Variants in EIF2D observed in about 807,000 individuals in gnomAD.
EIF2D encodes hepatocellular carcinoma-associated antigen 56.
A neutral mutation model predicts 77.4 loss-of-function variants in EIF2D; 56 were observed. The ratio of observed to expected loss-of-function variants is 0.72; its 90% confidence interval spans 0.58 to 0.90. The LOEUF is 0.90. EIF2D is among the 40% of genes least tolerant of loss of function. The probability of loss-of-function intolerance (pLI) is 0.00; values close to 1 mark genes in which losing one functional copy is unlikely to be tolerated. For synonymous variants in EIF2D, 230 were observed against 271.0 expected (o/e 0.85, Z 1.49); for missense variants, 574 against 706.5 (o/e 0.81, Z 2.13).
chr1:206,575,492 A>G lies in EIF2D; in HGVS notation c.*255-2793T>C, dbSNP rs538063847. Among the ~76,000 whole-genome samples, 7 of 152,284 alleles carry G rather than the reference A, an allele frequency of 4.6e-5. No individual in the cohort carries two copies. In the South Asian group the frequency reaches 1.4e-3, roughly 32 times the overall value. ...TAAGATAGAGTCTTGCTGACAATAGAGAAAAGTGGTGAGCAGTGAAAAAGT... is the reference window on the plus strand; with the variant it reads ...TAAGATAGAGTCTTGCTGACAATAGGGAAAAGTGGTGAGCAGTGAAAAAGT... On this transcript the variant is annotated intron_variant and NMD_transcript_variant, in intron 4 of 5. Coordinates refer to the EIF2D transcript ENST00000472709.
chr1:206,611,258 C>A lies in EIF2D; in HGVS notation c.173G>T (p.Gly58Val). The change falls in exon 2 of 15, where the codon GGG becomes GTG. Residue 58 changes from glycine (G) to valine (V), a missense_variant. Transcript: ENST00000271764. ...LNIVKLYAHK[G>V]DAVTVYVSGG... is the part of the protein sequence containing the mutation. ...ACTCACGTACACAGTCACTGCATCC[C>A]CTTTGTGAGCATACAACTTCACAAT... 1 of 1,614,166 alleles carries A rather than the reference C, an allele frequency of 6.2e-7. No individual in the cohort carries two copies. Among genetic ancestry groups the A allele is most frequent in the Non-Finnish European group, 8.5e-7 (1 of 1,180,022 alleles).
chr1:206,599,342 A>G lies in EIF2D; in HGVS notation c.1202+121T>C. The G allele has an allele frequency of 7.5e-7, 1 of 1,331,282 alleles. No individual in the cohort carries two copies. The highest frequency in any genetic ancestry group is 1.0e-6 in the Non-Finnish European group (1 of 967,488). The allele number at this position is 1,331,282 out of a possible 1,614,324, so 82.5% of individuals were successfully genotyped here. A position where few individuals can be genotyped will look rare whatever the true frequency, so the allele number is the denominator to read the frequency against. Reference sequence around the variant, plus strand: ...AAGAAGGCTGGAAGCTGGATTTTGGAGAAGGGGAGAACAGGGGCAGAGCAG... The same window carrying G: ...AAGAAGGCTGGAAGCTGGATTTTGGGGAAGGGGAGAACAGGGGCAGAGCAG... On this transcript the variant is annotated intron_variant, in intron 10 of 14. Coordinates refer to ENST00000271764, the MANE Select transcript of EIF2D (RefSeq NM_006893.3). This position sits in a 1 kb window ranked among gnomAD's most constrained non-coding sequence, Gnocchi z 4.1.
chr1:206,599,624 C>A lies in EIF2D; in HGVS notation c.1053-12G>T. On this transcript the variant is annotated splice_polypyrimidine_tract_variant and intron_variant, in intron 9 of 14. Coordinates refer to ENST00000271764, the MANE Select transcript of EIF2D (RefSeq NM_006893.3). This position sits in a 1 kb window ranked among gnomAD's most constrained non-coding sequence, Gnocchi z 4.1. Reference sequence around the variant, plus strand: ...CGAAAGATGTAATCCTAAAACCCAGCAGAAGGAAAGAAAAAACACATTTTA... The same window carrying A: ...CGAAAGATGTAATCCTAAAACCCAGAAGAAGGAAAGAAAAAACACATTTTA... 1 of 1,599,304 alleles carries A rather than the reference C, an allele frequency of 6.3e-7. No homozygotes were observed. The highest frequency in any genetic ancestry group is 8.5e-7 in the Non-Finnish European group (1 of 1,172,928).
At chr1:206,586,404 G>C (rs1309846686) in intron 2 of EIF2D, 1 of 167,874 alleles carries the variant, frequency 6.0e-6, no homozygotes, top group African/African-American at 2.4e-5. Flanking sequence ...GTGGAAAGCT[G>C]TGCTCGAGGT....
rs782072454 is a variant in EIF2D, at chr1:206,579,835, G to A, written c.*254+857C>T. 6.6e-6 allele frequency among the ~76,000 whole-genome samples: 1 copy of A among 152,120 alleles called. No homozygotes were observed. Among genetic ancestry groups the A allele is most frequent in the Admixed American group, 6.5e-5 (1 of 15,282 alleles). ...CATCTCTTGGGTGGAAAAAGGATCC[G>A]TGAGCCCTCGTGGCTGTGGCTGGCT... On this transcript the variant is annotated intron_variant and NMD_transcript_variant, in intron 4 of 5. Coordinates refer to the EIF2D transcript ENST00000472709. This position sits in a 1 kb window ranked among gnomAD's most constrained non-coding sequence, Gnocchi z 4.2.
intron 4 of EIF2D, among the ~76,000 whole-genome samples, chr1:206,578,177 G>C (rs1668725715): frequency 6.6e-6 from 1 of 151,866 alleles, no homozygotes; most frequent in East Asian, 1.9e-4. Flanking sequence ...AGTGAGTTGT[G>C]ATTGCACCAG....
Position 206,584,478 on chromosome 1 carries a change from T to C in EIF2D, c.139-3316A>G. ...CCTGCTGGGATCCGGCCCCAGTCCA[T>C]CTATGATGCCATCAAGGAGGTGAAC... On this transcript the variant is annotated intron_variant and NMD_transcript_variant, in intron 2 of 5. Transcript: ENST00000472709. The surrounding 1 kb of genome is among the most constrained non-coding windows in gnomAD (Gnocchi z 4.9). The C allele has an allele frequency of 6.2e-7, 1 of 1,614,114 alleles. No individual in the cohort carries two copies.
Position 206,593,651 on chromosome 1 carries a change from T to C in EIF2D, c.1652A>G (p.Asn551Ser). The C allele has an allele frequency of 1.2e-6, 2 of 1,611,020 alleles. No homozygotes were observed. The highest frequency in any genetic ancestry group is 1.7e-6 in the Non-Finnish European group (2 of 1,177,548). Residue 551 changes from asparagine to serine, a missense_variant, in exon 14 of 15, where the codon AAC becomes AGC. Physicochemically the swap from Asn to Ser is conservative, Grantham distance 46. Coordinates refer to ENST00000271764, the MANE Select transcript of EIF2D (RefSeq NM_006893.3). ...TAGCCAGCCGAGGTGGTGGACCTGGTTTCCCTGGATCTGCACCTGAAGGCT... is the reference window on the plus strand; with the variant it reads ...TAGCCAGCCGAGGTGGTGGACCTGGCTTCCCTGGATCTGCACCTGAAGGCT... ...KDSLQVQIQG[N>S]QVHHLGWLLL...
Position 206,584,424 on chromosome 1 carries a change from A to G in EIF2D, c.139-3262T>C, listed in dbSNP as rs1553407057. 1.2e-6 allele frequency: 2 copies of G among 1,613,978 alleles called. No individual in the cohort carries two copies. The highest frequency in any genetic ancestry group is 2.7e-5 in the African/African-American group (2 of 74,926). On this transcript the variant is annotated intron_variant and NMD_transcript_variant, in intron 2 of 5. Coordinates refer to the EIF2D transcript ENST00000472709. The surrounding 1 kb of genome is among the most constrained non-coding windows in gnomAD (Gnocchi z 4.9). ...ACCTACACGGGTTTCATCAAAGTGC[A>G]TCTGAAACTCCGGCGGCCTGTGACG...
Position 206,609,461 on chromosome 1 carries a change from T to G in EIF2D, c.248-2A>C. 6.2e-7 allele frequency: 1 copy of G among 1,611,744 alleles called. No homozygotes were observed. The highest frequency in any genetic ancestry group is 8.5e-7 in the Non-Finnish European group (1 of 1,179,214). On this transcript the variant is annotated splice_acceptor_variant, in intron 2 of 14. Coordinates refer to ENST00000271764, the MANE Select transcript of EIF2D (RefSeq NM_006893.3). LOFTEE classifies it high-confidence loss of function. ...CAGGATAGGACCACAGCGTGTACAC[T>G]GTACAAAAAGAGATCCAGAAAACAC...
Position 206,593,784 on chromosome 1 carries a change from C to G in EIF2D, c.1519G>C (p.Val507Leu). The stretch of plus-strand genomic sequence containing the variant: ...AGACCATAGGCCTCCAAGTTCCGGA[C>G]CACGGTCACCTGGGGGGACAGTGGG... ...QRASNKKVTV[V>L]RNLEAYGLDP... Residue 507 changes from valine to leucine, a missense_variant, in exon 14 of 15, where the codon GTC becomes CTC. Coordinates refer to ENST00000271764, the MANE Select transcript of EIF2D (RefSeq NM_006893.3). 6.3e-7 allele frequency: 1 copy of G among 1,599,612 alleles called. No individual in the cohort carries two copies. Among genetic ancestry groups the G allele is most frequent in the South Asian group, 1.1e-5 (1 of 90,200 alleles).
intron 4 of EIF2D, among the ~76,000 whole-genome samples, chr1:206,575,094 A>C (rs1215322070): frequency 1.3e-5 from 2 of 151,666 alleles, no homozygotes; most frequent in Non-Finnish European, 2.9e-5. Context: ...TTGAACTCCT[A>C]ACCTCACCTT....
Position 206,609,457 on chromosome 1 carries a change from A to G in EIF2D, c.250T>C (p.Tyr84His). 6.2e-7 allele frequency: 1 copy of G among 1,613,228 alleles called. No homozygotes were observed. The highest frequency in any genetic ancestry group is 8.5e-7 in the Non-Finnish European group (1 of 1,179,708). The change falls in exon 3 of 15, where the codon TAC becomes CAC. Residue 84 changes from tyrosine to histidine, a missense_variant and splice_region_variant. Physicochemically the swap from Tyr to His is moderately conservative, Grantham distance 83. Coordinates refer to ENST00000271764, the MANE Select transcript of EIF2D (RefSeq NM_006893.3). ...AGATCAGGATAGGACCACAGCGTGT[A>G]CACTGTACAAAAAGAGATCCAGAAA... Reference protein sequence around the residue: ...ELEKNLYPTVYTLWSYPDLLP... With the variant: ...ELEKNLYPTVHTLWSYPDLLP...
At chr1:206,590,010 T>C (rs566379894), downstream of EIF2D, among the ~76,000 whole-genome samples, 1 of 152,248 alleles carries the variant, frequency 6.6e-6, no homozygotes, top group Non-Finnish European at 1.5e-5. Flanking sequence ...TTTCTGCTTT[T>C]CATTGAATCT....
chr1:206,609,501 C>T, intron 2 of EIF2D, 42 bp from the exon 3 acceptor site: 1 of 1,532,660 alleles, frequency 6.5e-7, no homozygotes, highest in Admixed American at 1.8e-5. Context: ...ACCAAAAAGC[C>T]AATCTTCTAG....
At chr1:206,590,589 G>A (rs996541562), downstream of EIF2D, among the ~76,000 whole-genome samples, 6 of 152,148 alleles carry the variant, frequency 3.9e-5, no homozygotes, top group Admixed American at 3.3e-4. Context: ...TGCTCATGCC[G>A]GTAGAGATAG....
At position 206,584,371 on chromosome 1, in the gene EIF2D, A is replaced by G; in HGVS notation, c.139-3209T>C. 9 of 1,598,936 alleles carry G rather than the reference A, an allele frequency of 5.6e-6. No individual in the cohort carries two copies. The highest frequency in any genetic ancestry group is 7.7e-6 in the Non-Finnish European group (9 of 1,171,564). Reference sequence around the variant, plus strand: ...GCGGACGGCCCTGACCCCCTGTGACATGCCCCCGCTGGCAGAGTGAAGACG... The same window carrying G: ...GCGGACGGCCCTGACCCCCTGTGACGTGCCCCCGCTGGCAGAGTGAAGACG... On this transcript the variant is annotated intron_variant and NMD_transcript_variant, in intron 2 of 5. Transcript: ENST00000472709. This position sits in a 1 kb window ranked among gnomAD's most constrained non-coding sequence, Gnocchi z 4.9.
Position 206,599,707 on chromosome 1 carries a change from T to C in EIF2D, c.1052+26A>G, listed in dbSNP as rs1553410889. On this transcript the variant is annotated intron_variant, in intron 9 of 14. Transcript: ENST00000271764. The surrounding 1 kb of genome is among the most constrained non-coding windows in gnomAD (Gnocchi z 4.1). ...CCAGGTGCCCTGGGGCCAGCTGGGC[T>C]ACAGTGACAGGCCCCCTGCACTCAC... The C allele has an allele frequency of 1.2e-6, 2 of 1,613,904 alleles. No individual in the cohort carries two copies. Among genetic ancestry groups the C allele is most frequent in the South Asian group, 1.1e-5 (1 of 91,080 alleles).
intron 2 of EIF2D, chr1:206,585,430 AG>A (rs1297750566): frequency 1.4e-6 from 1 of 690,230 alleles, no homozygotes; most frequent in Non-Finnish European, 2.6e-6. Flanking sequence ...GAGAGTGAGC[AG>A]GGGTGGGTGA....
Sources: allele counts gnomAD v4.1 joint callset (sites outside exome capture counted in the v4.1 genomes callset), GRCh38; gene constraint gnomAD v4.1.1; non-coding constraint Gnocchi (gnomAD v3.1); transcripts MANE v1.5; gene names NCBI Gene and HGNC (gene_info 2026-07-23, HGNC 2026-07-21).